Variants in AAK1 observed in about 807,000 individuals in gnomAD.
AAK1 encodes the protein AP2 associated kinase 1, also known as AP2-associated protein kinase 1.
In AAK1, 37 loss-of-function variants were observed where a neutral mutation model predicts 116.0. That is an observed-to-expected ratio of 0.32 (90% CI 0.25 to 0.42). The LOEUF (loss-of-function observed/expected upper bound fraction) is 0.42, where lower values mean the gene tolerates loss of function less well. Ranked by LOEUF, AAK1 falls within the 10% of genes least tolerant of loss-of-function variation. The pLI is 1.00. For missense variants in AAK1, 919 were observed against 1,170.6 expected (o/e 0.79, Z 3.14); for synonymous variants, 458 against 439.9 (o/e 1.04, Z -0.51).
intron 2 of AAK1, among the ~76,000 whole-genome samples, chr2:69,597,200 T>C (rs1226395036): frequency 6.6e-6 from 1 of 152,218 alleles, no homozygotes; most frequent in Non-Finnish European, 1.5e-5. Context: ...GATTCTCTTT[T>C]TTTTTGGTGG....
intron 2 of AAK1, chr2:69,594,958 G>A: frequency 1.1e-6 from 1 of 877,764 alleles, no homozygotes; most frequent in Non-Finnish European, 1.9e-6. Context: ...CTTTCCCTGG[G>A]CATACAGAGA....
In AAK1 at chr2:69,507,598, C is replaced by G; in HGVS notation, c.2007-20G>C. The G allele has an allele frequency of 6.4e-7, 1 of 1,552,664 alleles. No homozygotes were observed. Among genetic ancestry groups the G allele is most frequent in the Non-Finnish European group, 8.7e-7 (1 of 1,149,476 alleles). ...GCAGACCTAGGTAGGTTCCCACCCC[C>G]ACGAAACAAAAAGATATAAAAGTTG... is the stretch of plus-strand genomic sequence containing the variant. On this transcript the variant is annotated intron_variant, in intron 14 of 21. Transcript: ENST00000409085.
chr2:69,515,136 A>G (rs1240806768), intron 12 of AAK1, among the ~76,000 whole-genome samples: 2 of 152,250 alleles, frequency 1.3e-5, no homozygotes, highest in African/African-American at 4.8e-5. Flanking sequence ...GATTTGAAGT[A>G]GCCAAGATTA....
chr2:69,483,300 T>G (rs576767159), intron 17 of AAK1, among the ~76,000 whole-genome samples: 55 of 152,216 alleles, frequency 3.6e-4, no homozygotes, highest in Non-Finnish European at 5.6e-4. Flanking sequence ...TTCCAGAATT[T>G]CCTATAAATG....
rs1281578512 is a variant in AAK1 at position 69,519,211 on chromosome 2, T to C, written c.1240A>G (p.Ser414Gly). ...GCTTGGGGTTTTGGTTGGGGAACAC[T>C]GGCTAAAAGGCCAGGCTGATTGCTG... ...GSSNQPGLLASVPQPKPQAPP... is the reference protein window; with the variant it reads ...GSSNQPGLLAGVPQPKPQAPP... Residue 414 changes from serine (S) to glycine (G), a missense_variant, in exon 12 of 22, where the codon AGT (serine) becomes GGT (glycine). Around this residue, in one of 4 missense-constraint regions of AAK1, gnomAD observed 214 missense variants for 210.6 expected, o/e 1.02. Transcript: ENST00000409085. The C allele has an allele frequency of 6.3e-7, 1 of 1,587,890 alleles. No individual in the cohort carries two copies. Among genetic ancestry groups the C allele is most frequent in the East Asian group, 2.3e-5 (1 of 43,942 alleles).
intron 2 of AAK1, among the ~76,000 whole-genome samples, chr2:69,620,487 T>C (rs904959419): frequency 5.9e-5 from 9 of 152,218 alleles, no homozygotes; most frequent in African/African-American, 2.2e-4. Flanking sequence ...AGTTTAGACT[T>C]GGTGCTCCCA....
At chr2:69,553,718 G>A (rs940325657) in intron 3 of AAK1, among the ~76,000 whole-genome samples, 17 of 151,346 alleles carry the variant, frequency 1.1e-4, no homozygotes, top group Non-Finnish European at 2.1e-4. Flanking sequence ...CTGGGATTAC[G>A]GGCATGAGCC....
chr2:69,626,740 TC>T (rs1674919861), intron 2 of AAK1, among the ~76,000 whole-genome samples: 1 of 145,290 alleles, frequency 6.9e-6, no homozygotes, highest in South Asian at 2.3e-4. Flanking sequence ...GCTCAAGCAA[TC>T]CCCCTGCCTT....
intron 2 of AAK1, among the ~76,000 whole-genome samples, chr2:69,603,157 A>G (rs1006143205): frequency 1.3e-5 from 2 of 152,354 alleles, no homozygotes; most frequent in South Asian, 2.1e-4. Flanking sequence ...TCAACATTTG[A>G]ACATCTTTTC....
At chr2:69,526,592 G>C (rs892521375) in intron 9 of AAK1, among the ~76,000 whole-genome samples, 1 of 152,202 alleles carries the variant, frequency 6.6e-6, no homozygotes, top group African/African-American at 2.4e-5. Context: ...ACAGACGTGA[G>C]CCACCATGCC....
chr2:69,595,116 G>A, intron 2 of AAK1: 4 of 559,072 alleles, frequency 7.2e-6, no homozygotes, highest in Non-Finnish European at 1.4e-5. Context: ...TTTTTGTTTT[G>A]TTTTGTTTGT....
intron 19 of AAK1, among the ~76,000 whole-genome samples, chr2:69,480,502 T>G (rs1055794096): frequency 6.6e-6 from 1 of 152,130 alleles, no homozygotes; most frequent in Non-Finnish European, 1.5e-5. Flanking sequence ...ACTGGAAAGA[T>G]GTACAGCAAT....
chr2:69,584,565 A>G (rs1672684493), intron 2 of AAK1, among the ~76,000 whole-genome samples: 1 of 152,164 alleles, frequency 6.6e-6, no homozygotes, highest in Non-Finnish European at 1.5e-5. Context: ...CCTCAAGCCA[A>G]TCCCCAGTTG....
chr2:69,513,495 T>C (rs1224183819), intron 13 of AAK1, among the ~76,000 whole-genome samples: 1 of 152,116 alleles, frequency 6.6e-6, no homozygotes, highest in Non-Finnish European at 1.5e-5. Flanking sequence ...AATTTTTTTT[T>C]TGTATTTTTA....
intron 17 of AAK1, among the ~76,000 whole-genome samples, chr2:69,495,225 C>A (rs1426632309): frequency 2.0e-5 from 3 of 152,266 alleles, no homozygotes; most frequent in Admixed American, 2.0e-4. Context: ...CCAAAGAGTA[C>A]GGAAGGAAGG....
intron 13 of AAK1, among the ~76,000 whole-genome samples, chr2:69,513,657 T>C (rs1676476603): frequency 6.6e-6 from 1 of 152,198 alleles, no homozygotes; most frequent in Non-Finnish European, 1.5e-5. Context: ...TTTGTTCCTC[T>C]AGTAGTTAGA....
At chr2:69,573,460 G>A (rs1305321354) in intron 2 of AAK1, among the ~76,000 whole-genome samples, 4 of 152,206 alleles carry the variant, frequency 2.6e-5, no homozygotes, top group African/African-American at 4.8e-5. Context: ...AATGCTAGTG[G>A]TAAGGCTACA....
At chr2:69,554,977 C>G (rs1671329308) in intron 3 of AAK1, among the ~76,000 whole-genome samples, 1 of 152,132 alleles carries the variant, frequency 6.6e-6, no homozygotes, top group South Asian at 2.1e-4. Flanking sequence ...CCTGCCTAGC[C>G]CAAGTAAGCT....
At position 69,488,149 on chromosome 2, in the gene AAK1, C is replaced by CGTGTGTGTGTGTGTGT. The variant is rs58575925; in HGVS notation, c.2366-5353_2366-5338dup. On this transcript the variant is annotated intron_variant, in intron 17 of 21. Coordinates refer to ENST00000409085, the MANE Select transcript of AAK1 (RefSeq NM_014911.5). ...CAGACTCTAAACGTGTGTGTGTGGA[C>CGTGTGTGTGTGTGTGT]GTGTGTGTGTGTGTGTGTGTGTGTG... Among the ~76,000 whole-genome samples, 818 of 144,634 alleles carry CGTGTGTGTGTGTGTGT rather than the reference C, an allele frequency of 5.7e-3. 10 individuals are homozygous for CGTGTGTGTGTGTGTGT. The highest frequency in any genetic ancestry group is 0.019 in the African/African-American group (751 of 39,082). 94.9% of individuals were successfully genotyped at this position (144,634 alleles called of 152,430 possible).
Sources: allele counts gnomAD v4.1 joint callset (sites outside exome capture counted in the v4.1 genomes callset), GRCh38; gene constraint gnomAD v4.1.1; regional missense constraint gnomAD v4.1.1; transcripts MANE v1.5; gene names NCBI Gene and HGNC (gene_info 2026-07-23, HGNC 2026-07-21).